Variants in ADGRV1 observed in about 807,000 individuals in gnomAD.
ADGRV1 encodes the protein adhesion G protein-coupled receptor V1.
A neutral mutation model predicts 596.2 loss-of-function variants in ADGRV1; 359 were observed. That is an observed-to-expected ratio of 0.60 (90% CI 0.55 to 0.66). The LOEUF (loss-of-function observed/expected upper bound fraction) is 0.66, where lower values mean the gene tolerates loss of function less well. ADGRV1 is among the 30% of genes least tolerant of loss of function. The pLI is 0.00. For synonymous variants in ADGRV1, 2,681 were observed against 2,679.2 expected (o/e 1.00, Z -0.02); for missense variants, 7,274 against 7,575.6 (o/e 0.96, Z 1.48).
chr5:91,038,698 A>G (rs1364442092), intron 85 of ADGRV1, among the ~76,000 whole-genome samples: 1 of 152,190 alleles, frequency 6.6e-6, no homozygotes, highest in Non-Finnish European at 1.5e-5. Flanking sequence ...AGTGACAGCA[A>G]GCATCTTAAA....
At chr5:90,725,330 A>G (rs1751624196) in intron 47 of ADGRV1, 98 bp downstream of exon 47, 3 of 882,984 alleles carry the variant, frequency 3.4e-6, no homozygotes, top group South Asian at 4.3e-5. Flanking sequence ...TTTTATGTTA[A>G]TGTGAAAAAG....
At chr5:90,723,302 A>G (rs934560226) in intron 45 of ADGRV1, among the ~76,000 whole-genome samples, 7 of 152,146 alleles carry the variant, frequency 4.6e-5, no homozygotes, top group Non-Finnish European at 7.4e-5. Context: ...AGACCCAAGC[A>G]TGTGTAGGTT....
chr5:90,669,444 C>G (rs549904904), intron 21 of ADGRV1, among the ~76,000 whole-genome samples: 1 of 152,180 alleles, frequency 6.6e-6, no homozygotes, highest in Non-Finnish European at 1.5e-5. Context: ...GTTAGGAAAA[C>G]ACTGCTCAAG....
intron 84 of ADGRV1, among the ~76,000 whole-genome samples, chr5:90,979,589 C>G (rs1404245343): frequency 2.0e-5 from 3 of 152,174 alleles, no homozygotes; most frequent in Non-Finnish European, 4.4e-5. Context: ...CTATGCTGTT[C>G]TTTCATTGCC....
chr5:90,824,413 C>T (rs1032142619), intron 76 of ADGRV1, among the ~76,000 whole-genome samples: 4 of 152,190 alleles, frequency 2.6e-5, no homozygotes, highest in Non-Finnish European at 4.4e-5. Context: ...TGTACTACAG[C>T]TATATAGGAA....
At chr5:91,122,056 T>C (rs1241851604) in intron 87 of ADGRV1, among the ~76,000 whole-genome samples, 1 of 152,208 alleles carries the variant, frequency 6.6e-6, no homozygotes. Flanking sequence ...AAAAATGTTT[T>C]GGTGGCTCTG....
intron 83 of ADGRV1, among the ~76,000 whole-genome samples, chr5:90,959,351 C>T (rs933129525): frequency 3.2e-4 from 48 of 151,260 alleles, no homozygotes; most frequent in African/African-American, 1.1e-3. Context: ...TAGAGAAGAC[C>T]TAAATAAATG....
intron 1 of ADGRV1, among the ~76,000 whole-genome samples, chr5:90,575,177 T>C (rs1757037244): frequency 6.6e-6 from 1 of 152,014 alleles, no homozygotes; most frequent in Non-Finnish European, 1.5e-5. Context: ...AGGTGCAAAG[T>C]TATATTGTTG....
chr5:90,802,787 A>G lies in ADGRV1; in HGVS notation c.14566A>G (p.Met4856Val). The G allele has an allele frequency of 1.2e-6, 2 of 1,613,212 alleles. No individual in the cohort carries two copies. The highest frequency in any genetic ancestry group is 1.7e-6 in the Non-Finnish European group (2 of 1,179,576). ...TTTCACTTTGCAACTGGTGACTGTGATGCTTGTCGGTGGACGTTTCTATGG... is the reference window on the plus strand; with the variant it reads ...TTTCACTTTGCAACTGGTGACTGTGGTGCTTGTCGGTGGACGTTTCTATGG... ...SNFTLQLVTVMLVGGRFYGMP... is the reference protein window; with the variant it reads ...SNFTLQLVTVVLVGGRFYGMP... Residue 4856 changes from methionine to valine, a missense_variant, in exon 71 of 90, where the codon ATG (methionine) becomes GTG (valine). By Grantham distance (21) the Met-to-Val change is conservative. This residue lies in a region of ADGRV1 where 1,874 missense variants were observed against 1,970.2 expected (regional missense o/e 0.95). Transcript: ENST00000405460.
At chr5:90,775,217 T>C (rs894610915) in intron 60 of ADGRV1, among the ~76,000 whole-genome samples, 3 of 152,208 alleles carry the variant, frequency 2.0e-5, no homozygotes, top group Non-Finnish European at 2.9e-5. Flanking sequence ...GCAGATTTAA[T>C]GTCCAAGGAA....
chr5:90,638,106 T>C (rs888301271), intron 11 of ADGRV1, among the ~76,000 whole-genome samples, 158 bp downstream of exon 11: 12 of 152,066 alleles, frequency 7.9e-5, no homozygotes, highest in Non-Finnish European at 1.5e-4. Flanking sequence ...TATTTGTTGA[T>C]GGCTTCTGAT....
chr5:91,102,692 G>C (rs1464464969), intron 87 of ADGRV1, among the ~76,000 whole-genome samples: 3 of 152,144 alleles, frequency 2.0e-5, no homozygotes, highest in Non-Finnish European at 4.4e-5. Context: ...ATTGTGGCTG[G>C]GTCTAGAAAT....
intron 18 of ADGRV1, 141 bp from the exon 19 acceptor site, chr5:90,652,205 C>A (rs904074464): frequency 2.1e-6 from 1 of 487,444 alleles, no homozygotes. Flanking sequence ...CCATGAAATT[C>A]TTCATAGTTT....
chr5:90,771,405 A>G (rs915302659), intron 59 of ADGRV1, among the ~76,000 whole-genome samples: 1 of 152,176 alleles, frequency 6.6e-6, no homozygotes, highest in Admixed American at 6.5e-5. Flanking sequence ...CAAAATGAGG[A>G]TAATAAGGCT....
intron 76 of ADGRV1, among the ~76,000 whole-genome samples, chr5:90,825,523 A>C (rs1764000326): frequency 6.6e-6 from 1 of 152,244 alleles, no homozygotes; most frequent in Admixed American, 6.5e-5. Context: ...TATCTCAAAT[A>C]GGATTTTTGG....
At chr5:90,925,611 A>C (rs1328876213) in intron 83 of ADGRV1, among the ~76,000 whole-genome samples, 1 of 151,202 alleles carries the variant, frequency 6.6e-6, no homozygotes, top group Non-Finnish European at 1.5e-5. Context: ...TTCCTAACTG[A>C]ATACCCTTTA....
rs1748200640 is a variant in ADGRV1 at position 90,703,683 on chromosome 5, A to G, written c.8174A>G (p.His2725Arg). The G allele has an allele frequency of 6.2e-7, 1 of 1,600,878 alleles. No homozygotes were observed. Among genetic ancestry groups the G allele is most frequent in the East Asian group, 2.2e-5 (1 of 44,616 alleles). ...CTTGCAGGAGAAATTTTACAATTCC[A>G]TGTGATAAGAACTTTCCCTGGTCGA... The part of the protein sequence containing the change: ...IGHEGEILQF[H>R]VIRTFPGRGN... Residue 2725 changes from histidine (H) to arginine (R), a missense_variant, in exon 35 of 90, where the codon CAT (histidine) becomes CGT (arginine). Coordinates refer to ENST00000405460, the MANE Select transcript of ADGRV1 (RefSeq NM_032119.4).
Position 90,959,631 on chromosome 5 carries a change from A to G in ADGRV1, c.17857-5784A>G, listed in dbSNP as rs964700515. On this transcript the variant is annotated intron_variant, in intron 83 of 89. Coordinates refer to ENST00000405460, the MANE Select transcript of ADGRV1 (RefSeq NM_032119.4). ...CAAATAGATCAAGGGAACAGATTAG[A>G]GAGTCCAGAAATAGACTCCCACATA... Among the ~76,000 whole-genome samples, 8 of 152,220 alleles carry G rather than the reference A, an allele frequency of 5.3e-5. No individual in the cohort carries two copies. The East Asian group carries it at 1.5e-3, about 29-fold the overall frequency.
chr5:90,957,697 A>G (rs1018569800), intron 83 of ADGRV1, among the ~76,000 whole-genome samples: 20 of 149,740 alleles, frequency 1.3e-4, no homozygotes, highest in Admixed American at 8.0e-4. Flanking sequence ...CCTAGTATCA[A>G]TCTATTTTAA....
Sources: gnomAD v4.1 joint callset for allele counts (sites outside exome capture counted in the v4.1 genomes callset) on GRCh38, gnomAD v4.1.1 for gene constraint, gnomAD v4.1.1 regional missense constraint, MANE v1.5 for transcripts, NCBI Gene and HGNC (gene_info 2026-07-23, HGNC 2026-07-21) for gene names.